BIRC6: variants seen among roughly 807,000 people sequenced by gnomAD.
BIRC6 encodes dual E2 ubiquitin-conjugating enzyme/E3 ubiquitin-protein ligase BIRC6.
A neutral mutation model predicts 503.3 loss-of-function variants in BIRC6; 98 were observed. The observed-to-expected ratio is 0.19, with a 90% CI of 0.17 to 0.23. BIRC6 has a LOEUF of 0.23. Among genes scored for constraint, BIRC6 ranks in the 10% least tolerant of loss-of-function variants. The pLI, the probability that BIRC6 is intolerant of heterozygous loss-of-function variation, is 1.00. For synonymous variants in BIRC6, 2,240 were observed against 2,078.7 expected (o/e 1.08, Z -2.11); for missense variants, 5,360 against 5,806.0 (o/e 0.92, Z 2.50).
intron 1 of BIRC6, 63 bp from the exon 2 acceptor site, chr2:32,377,525 A>T: frequency 1.5e-6 from 2 of 1,356,180 alleles, no homozygotes; most frequent in Non-Finnish European, 2.0e-6. Flanking sequence ...CTATGTAAAC[A>T]TTTATTTTTA....
intron 61 of BIRC6, 114 bp from the exon 62 acceptor site, chr2:32,543,126 CT>C: frequency 8.4e-7 from 1 of 1,197,314 alleles, no homozygotes; most frequent in Non-Finnish European, 1.1e-6. Context: ...AAGCAAGCAG[CT>C]TTATTAATCC....
chr2:32,403,129 C>G (rs2040782064), intron 8 of BIRC6, among the ~76,000 whole-genome samples: 1 of 152,128 alleles, frequency 6.6e-6, no homozygotes, highest in African/African-American at 2.4e-5. Context: ...TAGGAGGAAG[C>G]TGAAGAGGTG....
chr2:32,377,797 C>A, intron 2 of BIRC6, 28 bp downstream of exon 2: 1 of 1,571,324 alleles, frequency 6.4e-7, no homozygotes, highest in South Asian at 1.2e-5. Context: ...TCAATGTGGT[C>A]CTCTACTTAA....
intron 21 of BIRC6, among the ~76,000 whole-genome samples, chr2:32,446,906 G>GGCCTTC: frequency 8.0e-6 from 1 of 124,920 alleles, no homozygotes; most frequent in African/African-American, 3.1e-5. Context: ...GCGGCCTTCC[G>GGCCTTC]CAGTGTTTGT....
rs993491597 is a variant in BIRC6 at position 32,395,407 on chromosome 2, A to G, written c.952-104A>G. 5.7e-6 allele frequency: 5 copies of G among 875,110 alleles called. No individual in the cohort carries two copies. In the Admixed American group the frequency reaches 1.0e-4, roughly 17 times the overall value. The allele number at this position is 875,110 out of a possible 1,614,324, so 54.2% of individuals were successfully genotyped here. A position where few individuals can be genotyped will look rare whatever the true frequency, so the allele number is the denominator to read the frequency against. On this transcript the variant is annotated intron_variant, in intron 5 of 73. Transcript: ENST00000421745. Reference sequence around the variant, plus strand: ...ATAGGCTAATTTTCTTATTTTCAGTATAGAATTTTACTTAAAATTATGAAC... The same window carrying G: ...ATAGGCTAATTTTCTTATTTTCAGTGTAGAATTTTACTTAAAATTATGAAC...
intron 64 of BIRC6, 106 bp downstream of exon 64, chr2:32,548,120 C>A (rs541798882): frequency 2.0e-6 from 2 of 983,264 alleles, no homozygotes; most frequent in Admixed American, 3.5e-5. Flanking sequence ...TGTTTATGCC[C>A]ACTTGTGGTC....
chr2:32,524,835 CT>C, intron 57 of BIRC6, 52 bp from the exon 58 acceptor site: 9 of 1,154,782 alleles, frequency 7.8e-6, no homozygotes, highest in Non-Finnish European at 1.0e-5. Context: ...TATATTACTT[CT>C]CTTCTTAATG....
intron 54 of BIRC6, among the ~76,000 whole-genome samples, chr2:32,513,631 C>T (rs1279983404): frequency 6.6e-6 from 1 of 152,090 alleles, no homozygotes; most frequent in East Asian, 1.9e-4. Context: ...AGTCAGAAAG[C>T]TGGGCACAGT....
intron 6 of BIRC6, among the ~76,000 whole-genome samples, chr2:32,399,725 G>A (rs950353841): frequency 6.6e-6 from 1 of 152,018 alleles, no homozygotes; most frequent in Non-Finnish European, 1.5e-5. Flanking sequence ...AATTCTTAAA[G>A]TCATTATACC....
At chr2:32,388,265 C>T (rs1477486563) in intron 3 of BIRC6, among the ~76,000 whole-genome samples, 1 of 151,488 alleles carries the variant, frequency 6.6e-6, no homozygotes, top group Non-Finnish European at 1.5e-5. Flanking sequence ...CCTGTAATCC[C>T]AGCTACTCAA....
rs528341566 is a variant in BIRC6, at chr2:32,467,113, C to T, written c.5357-412C>T. On this transcript the variant is annotated intron_variant, in intron 26 of 73. Coordinates refer to ENST00000421745, the MANE Select transcript of BIRC6 (RefSeq NM_016252.4). ...CAGCCTGGGCGACAGATCGAGACTCCGTCTCAAAAAAAAAAAAAAAAAAGA... is the reference window on the plus strand; with the variant it reads ...CAGCCTGGGCGACAGATCGAGACTCTGTCTCAAAAAAAAAAAAAAAAAAGA... Among the ~76,000 whole-genome samples, 8 of 141,914 alleles carry T rather than the reference C, an allele frequency of 5.6e-5. No individual in the cohort carries two copies. The East Asian group carries it at 1.2e-3, about 21-fold the overall frequency. 93.1% of individuals were successfully genotyped at this position (141,914 alleles called of 152,430 possible). A position where few individuals can be genotyped will look rare whatever the true frequency, so the allele number is the denominator to read the frequency against.
At position 32,411,434 on chromosome 2, in the gene BIRC6, T is replaced by A. The variant is rs552435986; in HGVS notation, c.1478-3335T>A. Among the ~76,000 whole-genome samples, 69 of 149,140 alleles carry A rather than the reference T, an allele frequency of 4.6e-4. 1 individual carries two copies. Among genetic ancestry groups the A allele is most frequent in the South Asian group, 1.3e-3 (6 of 4,768 alleles). On this transcript the variant is annotated intron_variant, in intron 9 of 73. Coordinates refer to ENST00000421745, the MANE Select transcript of BIRC6 (RefSeq NM_016252.4). ...ATATATATATTTTATTTTTTTATTTTTTTTTTTTAAATTTTCTATTTTTTG... is the reference window on the plus strand; with the variant it reads ...ATATATATATTTTATTTTTTTATTTATTTTTTTTAAATTTTCTATTTTTTG...
At chr2:32,416,997 G>T (rs187774269) in intron 10 of BIRC6, among the ~76,000 whole-genome samples, 1 of 151,918 alleles carries the variant, frequency 6.6e-6, no homozygotes. Flanking sequence ...CACCATGCCC[G>T]GCTAATTTTT....
At chr2:32,607,371 A>ATT in intron 71 of BIRC6, 84 bp from the exon 72 acceptor site, 1 of 919,118 alleles carries the variant, frequency 1.1e-6, no homozygotes, top group African/African-American at 1.7e-5. Flanking sequence ...ATATTAAAGA[A>ATT]GAGTCTTTGT....
intron 37 of BIRC6, among the ~76,000 whole-genome samples, chr2:32,479,967 A>T (rs991847518): frequency 6.6e-6 from 1 of 151,952 alleles, no homozygotes; most frequent in Non-Finnish European, 1.5e-5. Flanking sequence ...TTTTTTTCTT[A>T]CTTTTTCTTT....
At chr2:32,467,827 A>C in intron 27 of BIRC6, 76 bp from the exon 28 acceptor site, 1 of 1,432,690 alleles carries the variant, frequency 7.0e-7, no homozygotes, top group Non-Finnish European at 9.4e-7. Context: ...AAATATAACT[A>C]TCTTTTTAAA....
intron 73 of BIRC6, among the ~76,000 whole-genome samples, chr2:32,613,567 G>C (rs984539567): frequency 6.6e-6 from 1 of 151,898 alleles, no homozygotes; most frequent in African/African-American, 2.4e-5. Context: ...TTTTAGTAGA[G>C]ACGGGGTTTC....
At chr2:32,558,107 T>C (rs2058909801) in intron 65 of BIRC6, among the ~76,000 whole-genome samples, 1 of 152,184 alleles carries the variant, frequency 6.6e-6, no homozygotes, top group African/African-American at 2.4e-5. Context: ...CCTACTTTAG[T>C]CTGTTAACGT....
intron 9 of BIRC6, among the ~76,000 whole-genome samples, chr2:32,407,323 C>G (rs1379672597): frequency 6.6e-6 from 1 of 151,776 alleles, no homozygotes; most frequent in Admixed American, 6.6e-5. Flanking sequence ...TGGCGCATGC[C>G]TATCCCAGTT....
Sources: allele counts gnomAD v4.1 joint callset (sites outside exome capture counted in the v4.1 genomes callset), GRCh38; gene constraint gnomAD v4.1.1; transcripts MANE v1.5; gene names NCBI Gene and HGNC (gene_info 2026-07-23, HGNC 2026-07-21).